The following SLC6A18 variants were observed in gnomAD, a reference collection of about 807,000 sequenced individuals.
SLC6A18 encodes the protein solute carrier family 6 member 18, also known as inactive sodium-dependent neutral amino acid transporter B(0)AT3.
A neutral mutation model predicts 62.9 loss-of-function variants in SLC6A18; 58 were observed. That is an observed-to-expected ratio of 0.92 (90% CI 0.75 to 1.15). SLC6A18 has a LOEUF of 1.15. Among genes scored for constraint, SLC6A18 ranks in the 50% most tolerant of loss-of-function variants. SLC6A18 has a pLI of 0.00. For missense variants in SLC6A18, 793 were observed against 836.6 expected (o/e 0.95, Z 0.64); for synonymous variants, 382 against 365.8 (o/e 1.04, Z -0.51).
chr5:1,243,468 GGA>G lies in SLC6A18; in HGVS notation c.1132-83_1132-82del. On this transcript the variant is annotated intron_variant, in intron 8 of 11. Transcript: ENST00000324642. This position sits in a 1 kb window ranked among gnomAD's most constrained non-coding sequence, Gnocchi z 6.5. ...GATGTGCACTCGTGTCCTCGGCCTG[GGA>G]GAGTGTGTGTCCTGCAGGCAGGCGT... 3 of 1,465,842 alleles carry G rather than the reference GGA, an allele frequency of 2.0e-6. No homozygotes were observed. The highest frequency in any genetic ancestry group is 2.8e-6 in the Non-Finnish European group (3 of 1,068,506). The allele number at this position is 1,465,842 out of a possible 1,614,324, so 90.8% of individuals were successfully genotyped here.
rs868568266 is a variant in SLC6A18, at chr5:1,241,999, T to A, written c.975-708T>A. ...CCAAAAAGGTGTTTGCTGGTATCCA[T>A]GTGTCCCGCCCTTGGCTGTCTGTGC... is the stretch of plus-strand genomic sequence containing the variant. On this transcript the variant is annotated intron_variant, in intron 7 of 11. Transcript: ENST00000324642. The surrounding 1 kb of genome is among the most constrained non-coding windows in gnomAD (Gnocchi z 7.8). 6.7e-6 allele frequency among the ~76,000 whole-genome samples: 1 copy of A among 149,136 alleles called. No homozygotes were observed. The highest frequency in any genetic ancestry group is 6.7e-5 in the Admixed American group (1 of 14,962).
Position 1,225,657 on chromosome 5 carries a change from C to T in SLC6A18, c.160+20C>T, listed in dbSNP as rs1746540102. The T allele has an allele frequency of 6.5e-7, 1 of 1,544,162 alleles. No homozygotes were observed. Among genetic ancestry groups the T allele is most frequent in the African/African-American group, 1.4e-5 (1 of 72,014 alleles). On this transcript the variant is annotated intron_variant, in intron 1 of 11. Transcript: ENST00000324642. ...GAGGAGGTAAGCACCCACCTGCGTC[C>T]TGGGGCAGACCCCTAAGCAGGGGAG...
intron 9 of SLC6A18, 68 bp from the exon 10 acceptor site, chr5:1,244,146 C>T (rs1394567316): frequency 5.7e-6 from 8 of 1,394,680 alleles, no homozygotes; most frequent in African/African-American, 4.3e-5. Flanking sequence ...GGCTGGCTTC[C>T]TCCTGACCCT....
intron 3 of SLC6A18, 35 bp downstream of exon 3, chr5:1,232,923 C>A (rs760379680): frequency 3.8e-6 from 6 of 1,584,702 alleles, no homozygotes; most frequent in Middle Eastern, 1.7e-4. Context: ...TGGGTCCGTG[C>A]ACGGCCGAGA....
chr5:1,239,266 G>C (rs567013861), intron 5 of SLC6A18, among the ~76,000 whole-genome samples, 184 bp from the exon 6 acceptor site: 1 of 152,228 alleles, frequency 6.6e-6, no homozygotes, highest in Non-Finnish European at 1.5e-5. Flanking sequence ...GGCATTTGCC[G>C]TGTACAGAGC....
In SLC6A18 at chr5:1,245,882, C is replaced by G. The variant is rs75499032; in HGVS notation, c.1691C>G (p.Pro564Arg). Residue 564 changes from proline to arginine, a missense_variant, in exon 12 of 12, where the codon CCG becomes CGG. Physicochemically the swap from Pro to Arg is moderately radical, Grantham distance 103. Transcript: ENST00000324642. ...CCCTCGCGTCAGGAGAAGCTCTACC[C>G]GGGCTGGGCGCGCGCCGCCTGTGTG... ...LFPSRQEKLY[P>R]GWARAACVLL... The G allele has an allele frequency of 6.2e-7, 1 of 1,608,300 alleles. No homozygotes were observed. Among genetic ancestry groups the G allele is most frequent in the South Asian group, 1.1e-5 (1 of 90,830 alleles).
intron 6 of SLC6A18, among the ~76,000 whole-genome samples, chr5:1,240,183 C>T (rs148350745): frequency 6.6e-6 from 1 of 152,372 alleles, no homozygotes; most frequent in African/African-American, 2.4e-5. Flanking sequence ...ACTGGAGCTG[C>T]ACTTGTGTGC....
In SLC6A18 at chr5:1,239,746, C is replaced by G. The variant is rs138670057; in HGVS notation, c.845+184C>G. On this transcript the variant is annotated intron_variant, in intron 6 of 11. Transcript: ENST00000324642. Reference sequence around the variant, plus strand: ...ACGTCCGGAGCTGGCTGCAGGAAGACAGCCTGGATAATCACACCCAGGAAC... The same window carrying G: ...ACGTCCGGAGCTGGCTGCAGGAAGAGAGCCTGGATAATCACACCCAGGAAC... Among the ~76,000 whole-genome samples, 35 of 152,320 alleles carry G rather than the reference C, an allele frequency of 2.3e-4. No individual in the cohort carries two copies. In the East Asian group the frequency reaches 6.0e-3, roughly 26 times the overall value.
At chr5:1,225,853 G>A (rs192792725) in intron 1 of SLC6A18, among the ~76,000 whole-genome samples, 33 of 152,294 alleles carry the variant, frequency 2.2e-4, no homozygotes, top group Admixed American at 4.6e-4. Context: ...CCCACAGCAC[G>A]GAGGATCCAG....
chr5:1,242,602 C>T, intron 7 of SLC6A18, 105 bp from the exon 8 acceptor site: 1 of 1,451,162 alleles, frequency 6.9e-7, no homozygotes, highest in Non-Finnish European at 9.2e-7. Flanking sequence ...GCAGGAGGGG[C>T]CCAGCCCTCC....
intron 6 of SLC6A18, 29 bp downstream of exon 6, chr5:1,239,591 A>T (rs1364458822): frequency 6.4e-7 from 1 of 1,571,788 alleles, no homozygotes; most frequent in Non-Finnish European, 8.8e-7. Flanking sequence ...CTGTCCAGCC[A>T]GGGAAGCTTT....
chr5:1,238,873 C>T (rs79479138), intron 5 of SLC6A18, among the ~76,000 whole-genome samples: 2,263 of 152,332 alleles, frequency 0.015, 32 homozygotes, highest in Non-Finnish European at 0.021. Flanking sequence ...CAGGAGCCAG[C>T]GCCTGCTCCA....
rs750452883 is a variant in SLC6A18, at chr5:1,232,772, C to T, written c.323C>T (p.Ser108Phe). The T allele has an allele frequency of 1.2e-6, 2 of 1,613,288 alleles. No individual in the cohort carries two copies. Among genetic ancestry groups the T allele is most frequent in the Non-Finnish European group, 1.7e-6 (2 of 1,179,928 alleles). Residue 108 changes from serine to phenylalanine, a missense_variant, in exon 3 of 12, where the codon TCC becomes TTC. Coordinates refer to ENST00000324642, the MANE Select transcript of SLC6A18 (RefSeq NM_182632.3). Reference protein sequence around the residue: ...SGVGLGCVTLSFLISLYYNTI... With the variant: ...SGVGLGCVTLFFLISLYYNTI... ...ACAGGGCTGGGCTGTGTCACGCTGT[C>T]CTTCCTGATCAGCCTGTACTACAAC...
chr5:1,239,412 T>C (rs1250290031), intron 5 of SLC6A18, 38 bp from the exon 6 acceptor site: 1 of 1,507,342 alleles, frequency 6.6e-7, no homozygotes. Context: ...TCATGTGGTT[T>C]GCCTGCTGAG....
chr5:1,243,464 C>G lies in SLC6A18; in HGVS notation c.1132-91C>G. 1 of 1,445,086 alleles carries G rather than the reference C, an allele frequency of 6.9e-7. No individual in the cohort carries two copies. Among genetic ancestry groups the G allele is most frequent in the East Asian group, 2.3e-5 (1 of 43,816 alleles). 89.5% of individuals were successfully genotyped at this position (1,445,086 alleles called of 1,614,324 possible). On this transcript the variant is annotated intron_variant, in intron 8 of 11. Coordinates refer to ENST00000324642, the MANE Select transcript of SLC6A18 (RefSeq NM_182632.3). This position sits in a 1 kb window ranked among gnomAD's most constrained non-coding sequence, Gnocchi z 6.5. ...GGGTGATGTGCACTCGTGTCCTCGGCCTGGGAGAGTGTGTGTCCTGCAGGC... is the reference window on the plus strand; with the variant it reads ...GGGTGATGTGCACTCGTGTCCTCGGGCTGGGAGAGTGTGTGTCCTGCAGGC...
At chr5:1,226,953 CCCAACGCCTTGCCCA>C (rs1321129026) in intron 1 of SLC6A18, among the ~76,000 whole-genome samples, 1 of 142,124 alleles carries the variant, frequency 7.0e-6, no homozygotes, top group Non-Finnish European at 1.6e-5. Context: ...TGATGCCTTG[CCCAACGCCTTGCCCA>C]CCGACGCCTT....
intron 1 of SLC6A18, among the ~76,000 whole-genome samples, chr5:1,227,058 A>G (rs367565246): frequency 1.0e-3 from 66 of 64,028 alleles, no homozygotes; most frequent in African/African-American, 1.4e-3. Flanking sequence ...GCCCGCCGAC[A>G]CCTTGCCCGC....
intron 1 of SLC6A18, among the ~76,000 whole-genome samples, chr5:1,226,771 C>T (rs1352551172): frequency 6.6e-6 from 1 of 152,188 alleles, no homozygotes; most frequent in Non-Finnish European, 1.5e-5. Flanking sequence ...GCAGAGGCGT[C>T]CCTGGCTCCC....
intron 1 of SLC6A18, among the ~76,000 whole-genome samples, chr5:1,226,311 T>C (rs1579522788): frequency 2.0e-5 from 3 of 152,200 alleles, no homozygotes; most frequent in East Asian, 1.9e-4. Flanking sequence ...CTGCTCTCCA[T>C]GTGGCGACAC....
Sources: allele counts gnomAD v4.1 joint callset (sites outside exome capture counted in the v4.1 genomes callset), GRCh38; gene constraint gnomAD v4.1.1; non-coding constraint Gnocchi (gnomAD v3.1); transcripts MANE v1.5; gene names NCBI Gene and HGNC (gene_info 2026-07-23, HGNC 2026-07-21).